SEL1L: variants seen among roughly 807,000 people sequenced by gnomAD.
SEL1L encodes the protein SEL1L adaptor subunit of SYVN1 ubiquitin ligase.
A neutral mutation model predicts 109.8 loss-of-function variants in SEL1L; 52 were observed. That is an observed-to-expected ratio of 0.47 (90% CI 0.38 to 0.60). SEL1L has a LOEUF of 0.60. Ranked by LOEUF, SEL1L falls within the 20% of genes least tolerant of loss-of-function variation. The pLI is 0.00. For missense variants in SEL1L, 749 were observed against 962.2 expected (o/e 0.78, Z 2.93); for synonymous variants, 373 against 339.6 (o/e 1.10, Z -1.08).
chr14:81,509,298 A>C (rs1884368089), intron 3 of SEL1L, among the ~76,000 whole-genome samples: 1 of 152,240 alleles, frequency 6.6e-6, no homozygotes, highest in Admixed American at 6.5e-5. Context: ...CTCCACCAGA[A>C]GAGTATCAAT....
At chr14:81,498,312 G>C in intron 9 of SEL1L, 101 bp downstream of exon 9, 2 of 976,792 alleles carry the variant, frequency 2.0e-6, no homozygotes, top group Middle Eastern at 2.2e-4. Context: ...ACATAAAAGA[G>C]CCATTTATAA....
In SEL1L at chr14:81,526,719, A is replaced by G. The variant is rs1369341817; in HGVS notation, c.340+14T>C. On this transcript the variant is annotated intron_variant, in intron 3 of 20. Transcript: ENST00000336735. ...CCTAAATAAATCAAAAAGCAAGGAA[A>G]ATGTCCAGACTACCTGGTTTCCGTA... is the stretch of plus-strand genomic sequence containing the variant. The G allele has an allele frequency of 3.1e-6, 5 of 1,603,392 alleles. No homozygotes were observed. Among genetic ancestry groups the G allele is most frequent in the Non-Finnish European group, 4.3e-6 (5 of 1,171,008 alleles).
chr14:81,506,013 T>C (rs971593353), intron 4 of SEL1L, 61 bp downstream of exon 4: 1 of 1,521,748 alleles, frequency 6.6e-7, no homozygotes, highest in Non-Finnish European at 8.9e-7. Context: ...GAAAAAGGCC[T>C]TAAAAACATT....
At chr14:81,484,927 C>T (rs1903473548) in intron 18 of SEL1L, among the ~76,000 whole-genome samples, 1 of 152,192 alleles carries the variant, frequency 6.6e-6, no homozygotes, top group Admixed American at 6.5e-5. Context: ...TCAGGCTCTA[C>T]TTTATAATGT....
At chr14:81,507,691 C>T (rs1285987896) in intron 3 of SEL1L, among the ~76,000 whole-genome samples, 1 of 149,344 alleles carries the variant, frequency 6.7e-6, no homozygotes, top group East Asian at 1.9e-4. Context: ...CTCCAGTACA[C>T]AGATAACACT....
intron 16 of SEL1L, among the ~76,000 whole-genome samples, chr14:81,486,944 T>G (rs1452738843): frequency 2.0e-5 from 3 of 151,692 alleles, no homozygotes; most frequent in Non-Finnish European, 4.4e-5. Flanking sequence ...TTTTGGAACA[T>G]TCATTCAACT....
At chr14:81,525,274 T>C (rs1448611598) in intron 3 of SEL1L, among the ~76,000 whole-genome samples, 5 of 152,024 alleles carry the variant, frequency 3.3e-5, no homozygotes, top group Non-Finnish European at 5.9e-5. Flanking sequence ...CCAGGCTTGA[T>C]GTAGTGTCTC....
chr14:81,524,744 C>T (rs1393885965), intron 3 of SEL1L, among the ~76,000 whole-genome samples: 2 of 152,014 alleles, frequency 1.3e-5, no homozygotes, highest in South Asian at 2.1e-4. Context: ...CATGGTGGTA[C>T]GCGCCTGGTA....
At chr14:81,495,000 T>C (rs2140004835) in intron 11 of SEL1L, 81 bp downstream of exon 11, 1 of 1,340,504 alleles carries the variant, frequency 7.5e-7, no homozygotes. Context: ...TTGATACTGG[T>C]ATTGACTTAG....
chr14:81,533,806 T>TCAGCCACCACCGCCG lies in SEL1L; in HGVS notation c.-77_-63dup. On this transcript the variant is annotated 5_prime_UTR_variant, in exon 1 of 21. Coordinates refer to ENST00000336735, the MANE Select transcript of SEL1L (RefSeq NM_005065.6). ...CGCCTTCGCCTCTGCCACCACGGAC[T>TCAGCCACCACCGCCG]CAGCCACCACCGCCGCCTCGCCGCT... 6.6e-7 allele frequency: 1 copy of TCAGCCACCACCGCCG among 1,512,794 alleles called. No homozygotes were observed. Among genetic ancestry groups the TCAGCCACCACCGCCG allele is most frequent in the Non-Finnish European group, 9.1e-7 (1 of 1,101,112 alleles). 93.7% of individuals were successfully genotyped at this position (1,512,794 alleles called of 1,614,324 possible).
At chr14:81,518,719 C>A (rs1442717201) in intron 3 of SEL1L, among the ~76,000 whole-genome samples, 1 of 150,140 alleles carries the variant, frequency 6.7e-6, no homozygotes, top group Non-Finnish European at 1.5e-5. Flanking sequence ...AGGGAGGAAG[C>A]CTATTGTTTT....
rs534478248 is a variant in SEL1L, at chr14:81,471,881, C to T, written c.*5091G>A. On this transcript the variant is annotated 3_prime_UTR_variant, in exon 21 of 21. Transcript: ENST00000336735. ...TACAAAGCCCATTACACAGCAGTAC[C>T]TCCTTTTGAACTGATTAACGCTCAC... The T allele has an allele frequency of 6.6e-6, 1 of 152,270 alleles. No individual in the cohort carries two copies. The highest frequency in any genetic ancestry group is 2.1e-4 in the South Asian group (1 of 4,814). 9.4% of individuals were successfully genotyped at this position (152,270 alleles called of 1,614,324 possible).
chr14:81,532,477 C>T (rs1885365270), intron 1 of SEL1L, among the ~76,000 whole-genome samples: 1 of 152,196 alleles, frequency 6.6e-6, no homozygotes, highest in South Asian at 2.1e-4. Flanking sequence ...GTCTAAAGAT[C>T]TGGTCATTAA....
Position 81,475,625 on chromosome 14 carries a change from AC to A in SEL1L, c.*1346del, listed in dbSNP as rs1903134365. ...TCAGACAAGATACAGGCTGGTGAAC[AC>A]CACCATCTGACAATAAAATGAAATA... is the stretch of plus-strand genomic sequence containing the variant. On this transcript the variant is annotated 3_prime_UTR_variant, in exon 21 of 21. Transcript: ENST00000336735. 6.6e-6 allele frequency: 1 copy of A among 152,220 alleles called. No individual in the cohort carries two copies. Among genetic ancestry groups the A allele is most frequent in the Non-Finnish European group, 1.5e-5 (1 of 68,036 alleles). The allele number at this position is 152,220 out of a possible 1,614,324, so 9.4% of individuals were successfully genotyped here. A position where few individuals can be genotyped will look rare whatever the true frequency, so the allele number is the denominator to read the frequency against.
chr14:81,520,840 A>T (rs916935521), intron 3 of SEL1L, among the ~76,000 whole-genome samples: 14 of 152,194 alleles, frequency 9.2e-5, no homozygotes, highest in Admixed American at 2.6e-4. Flanking sequence ...CTATGTAATT[A>T]TCAAAGAAGA....
At chr14:81,482,971 G>C (rs1903407506) in intron 19 of SEL1L, among the ~76,000 whole-genome samples, 1 of 152,182 alleles carries the variant, frequency 6.6e-6, no homozygotes, top group South Asian at 2.1e-4. Flanking sequence ...CCCAGTGTCA[G>C]GGAATGCATG....
At chr14:81,527,941 T>A (rs1885176046) in intron 1 of SEL1L, among the ~76,000 whole-genome samples, 1 of 152,150 alleles carries the variant, frequency 6.6e-6, no homozygotes, top group Admixed American at 6.6e-5. Flanking sequence ...GGGGTTTAGT[T>A]TCTCTCTTTC....
intron 3 of SEL1L, among the ~76,000 whole-genome samples, chr14:81,523,584 A>T (rs1337169858): frequency 6.6e-6 from 1 of 152,188 alleles, no homozygotes; most frequent in African/African-American, 2.4e-5. Context: ...AAATTAATTG[A>T]ACCCAAGAAG....
At position 81,533,826 on chromosome 14, in the gene SEL1L, G is replaced by C. The variant is rs568939196; in HGVS notation, c.-82C>G. The C allele has an allele frequency of 8.8e-6, 12 of 1,370,584 alleles. No homozygotes were observed. The highest frequency in any genetic ancestry group is 1.9e-5 in the Admixed American group (1 of 52,440). 84.9% of individuals were successfully genotyped at this position (1,370,584 alleles called of 1,614,324 possible). A position where few individuals can be genotyped will look rare whatever the true frequency, so the allele number is the denominator to read the frequency against. ...CGGACTCAGCCACCACCGCCGCCTC[G>C]CCGCTGCTCTTCCTGCTCTAGTCTC... On this transcript the variant is annotated 5_prime_UTR_variant, in exon 1 of 21. Transcript: ENST00000336735.
Sources: allele counts gnomAD v4.1 joint callset (sites outside exome capture counted in the v4.1 genomes callset), GRCh38; gene constraint gnomAD v4.1.1; transcripts MANE v1.5; gene names NCBI Gene and HGNC (gene_info 2026-07-23, HGNC 2026-07-21).